The following KPNA5 variants were observed in gnomAD, a reference collection of about 807,000 sequenced individuals.
KPNA5 encodes the protein importin subunit alpha-6.
In KPNA5, 46 loss-of-function variants were observed where a neutral mutation model predicts 71.3. The ratio of observed to expected loss-of-function variants is 0.65; its 90% CI spans 0.51 to 0.83. The LOEUF (loss-of-function observed/expected upper bound fraction) is 0.83, where lower values mean the gene tolerates loss of function less well. Among genes scored for constraint, KPNA5 ranks in the 40% least tolerant of loss-of-function variants. KPNA5 has a pLI of 0.00. For missense variants in KPNA5, 547 were observed against 628.3 expected, an observed-to-expected ratio of 0.87 and a Z score of 1.38; for synonymous variants, 207 against 201.4, an observed-to-expected ratio of 1.03 and a Z score of -0.24.
chr6:116,704,728 C>T (rs1202869619), intron 6 of KPNA5, among the ~76,000 whole-genome samples: 1 of 151,906 alleles, frequency 6.6e-6, no homozygotes, highest in Non-Finnish European at 1.5e-5. Context: ...GTGCGTGCCA[C>T]CACACCCAGC....
intron 2 of KPNA5, 94 bp downstream of exon 2, chr6:116,689,547 A>T: frequency 9.4e-7 from 1 of 1,067,762 alleles, no homozygotes; most frequent in Non-Finnish European, 1.3e-6. Flanking sequence ...TAAGAAATTG[A>T]ATATAGCTAA....
At chr6:116,714,734 G>T (rs1288791612) in intron 7 of KPNA5, among the ~76,000 whole-genome samples, 1 of 152,064 alleles carries the variant, frequency 6.6e-6, no homozygotes, top group Admixed American at 6.6e-5. Context: ...TGTTTTTGAG[G>T]ACCATTCTTT....
rs41290850 is a variant in KPNA5 at position 116,733,985 on chromosome 6, T to C, written c.*1662T>C. The C allele has an allele frequency of 6.6e-6, 1 of 151,910 alleles. No homozygotes were observed. The highest frequency in any genetic ancestry group is 1.5e-5 in the Non-Finnish European group (1 of 67,744). The allele number at this position is 151,910 out of a possible 1,614,324, so 9.4% of individuals were successfully genotyped here. A position where few individuals can be genotyped will look rare whatever the true frequency, so the allele number is the denominator to read the frequency against. On this transcript the variant is annotated 3_prime_UTR_variant, in exon 14 of 14. Coordinates refer to ENST00000368564, the MANE Select transcript of KPNA5 (RefSeq NM_001366306.2). ...ATACAGGTTTAAATGGTGTTCGTAA[T>C]GCTGAGTGCATCTGCCAGCCCTTTT...
chr6:116,731,479 T>G (rs1051236816), intron 13 of KPNA5, among the ~76,000 whole-genome samples: 2 of 152,184 alleles, frequency 1.3e-5, no homozygotes, highest in Non-Finnish European at 2.9e-5. Context: ...CGTTTATCTG[T>G]AATTAAATGA....
intron 4 of KPNA5, among the ~76,000 whole-genome samples, chr6:116,697,040 A>G (rs9489012): frequency 0.028 from 4,209 of 152,088 alleles, 196 homozygotes; most frequent in African/African-American, 0.097. Flanking sequence ...ACAAAACCCT[A>G]TATTTTCTTC....
intron 13 of KPNA5, among the ~76,000 whole-genome samples, chr6:116,731,414 G>A (rs546512315): frequency 6.6e-6 from 1 of 152,226 alleles, no homozygotes; most frequent in East Asian, 1.9e-4. Context: ...TTCTGTGATT[G>A]TGTATAGATA....
At chr6:116,712,736 A>G (rs1374482041) in intron 7 of KPNA5, among the ~76,000 whole-genome samples, 3 of 152,110 alleles carry the variant, frequency 2.0e-5, no homozygotes, top group Non-Finnish European at 4.4e-5. Context: ...AGGCACTGGG[A>G]TTATAGGTGT....
rs1397882834 is a variant in KPNA5 at position 116,736,370 on chromosome 6, G to A, written c.*4047G>A. On this transcript the variant is annotated 3_prime_UTR_variant, in exon 14 of 14. Transcript: ENST00000368564. ...TCTAGGACTGGGGAAAGTTGGAAAT[G>A]GGAGGTGACTGGGTACAAAGTTTCT... The A allele has an allele frequency of 6.6e-6, 1 of 151,896 alleles. No homozygotes were observed. The highest frequency in any genetic ancestry group is 1.5e-5 in the Non-Finnish European group (1 of 67,876). 9.4% of individuals were successfully genotyped at this position (151,896 alleles called of 1,614,324 possible).
At chr6:116,705,199 A>G (rs757135027) in intron 7 of KPNA5, 39 bp downstream of exon 7, 1 of 1,394,338 alleles carries the variant, frequency 7.2e-7, no homozygotes, top group South Asian at 1.2e-5. Context: ...ATCAAAAACT[A>G]TATACTCCAT....
intron 1 of KPNA5, among the ~76,000 whole-genome samples, chr6:116,686,872 T>TTGTTTC (rs1385630710): frequency 1.3e-5 from 2 of 152,010 alleles, no homozygotes; most frequent in African/African-American, 4.8e-5. Flanking sequence ...ATGGGCTATT[T>TTGTTTC]TGTTTCATTG....
intron 7 of KPNA5, 117 bp from the exon 8 acceptor site, chr6:116,716,102 C>T (rs1238377342): frequency 2.2e-5 from 15 of 683,282 alleles, no homozygotes; most frequent in Admixed American, 3.0e-5. Context: ...TTCTTTTTTC[C>T]TATTTTGCTA....
In KPNA5 at chr6:116,689,119, A is replaced by G. The variant is rs577450135; in HGVS notation, c.5-201A>G. Reference sequence around the variant, plus strand: ...TTTAGACCAAAATTATTTGTTTAAGATATTATTTCTAAAATATGTGGTCAT... The same window carrying G: ...TTTAGACCAAAATTATTTGTTTAAGGTATTATTTCTAAAATATGTGGTCAT... On this transcript the variant is annotated intron_variant, in intron 1 of 13. Coordinates refer to ENST00000368564, the MANE Select transcript of KPNA5 (RefSeq NM_001366306.2). Among the ~76,000 whole-genome samples, 4 of 152,312 alleles carry G rather than the reference A, an allele frequency of 2.6e-5. No individual in the cohort carries two copies. In the South Asian group the frequency reaches 6.2e-4, roughly 24 times the overall value.
chr6:116,722,137 C>T lies in KPNA5; in HGVS notation c.768C>T (p.Cys256=). ...TTCTTCCCTTACAGGTTTCACCTTG[C>T]TTAAATGTCCTGTCACGACTGTTGT... The part of the protein sequence containing the change: ...PPPNFSKVSP[C]LNVLSRLLFS... Residue 256 remains cysteine (C), a synonymous_variant, in exon 9 of 14, where the codon TGC becomes TGT. Transcript: ENST00000368564. 6.4e-7 allele frequency: 1 copy of T among 1,574,392 alleles called. No individual in the cohort carries two copies. Among genetic ancestry groups the T allele is most frequent in the African/African-American group, 1.3e-5 (1 of 74,302 alleles).
At chr6:116,713,287 C>T (rs139856902) in intron 7 of KPNA5, among the ~76,000 whole-genome samples, 4 of 152,222 alleles carry the variant, frequency 2.6e-5, no homozygotes, top group Non-Finnish European at 5.9e-5. Flanking sequence ...TCAGCTTTTG[C>T]TCATGTGGGA....
Position 116,732,074 on chromosome 6 carries a change from T to TTTTATATATATATATATATATATATA in KPNA5, c.1433-61_1433-60insTTATATATATATATATATATATATAT, listed in dbSNP as rs1463339776. 11 of 66,298 alleles carry TTTTATATATATATATATATATATATA rather than the reference T, an allele frequency of 1.7e-4. 3 individuals carry two copies. The highest frequency in any genetic ancestry group is 3.9e-4 in the African/African-American group (6 of 15,410). 4.1% of individuals were successfully genotyped at this position (66,298 alleles called of 1,614,324 possible). A position where few individuals can be genotyped will look rare whatever the true frequency, so the allele number is the denominator to read the frequency against. On this transcript the variant is annotated intron_variant, in intron 13 of 13. Coordinates refer to ENST00000368564, the MANE Select transcript of KPNA5 (RefSeq NM_001366306.2). ...TACTGAAATTGTAGTAACAGTTTGT[T>TTTTATATATATATATATATATATATA]TATATATATATATATATATATATAT...
chr6:116,695,908 T>A (rs2114392404), intron 4 of KPNA5, among the ~76,000 whole-genome samples: 1 of 152,314 alleles, frequency 6.6e-6, no homozygotes, highest in African/African-American at 2.4e-5. Flanking sequence ...AGTGTTTTTG[T>A]ACCATTTCCT....
At position 116,737,367 on chromosome 6, in the gene KPNA5, T is replaced by G. The variant is rs1779710868; in HGVS notation, c.*5044T>G. On this transcript the variant is annotated 3_prime_UTR_variant, in exon 14 of 14. Transcript: ENST00000368564. ...GAAGGCCTTGGGTAGTAGTCACATG[T>G]GGTCAATAGTACTTGGCTGAAGACT... 6.6e-6 allele frequency: 1 copy of G among 152,010 alleles called. No individual in the cohort carries two copies. The highest frequency in any genetic ancestry group is 2.1e-4 in the South Asian group (1 of 4,830). The allele number at this position is 152,010 out of a possible 1,614,324, so 9.4% of individuals were successfully genotyped here. A position where few individuals can be genotyped will look rare whatever the true frequency, so the allele number is the denominator to read the frequency against.
At chr6:116,714,392 A>G (rs1778810665) in intron 7 of KPNA5, among the ~76,000 whole-genome samples, 1 of 152,248 alleles carries the variant, frequency 6.6e-6, no homozygotes, top group Non-Finnish European at 1.5e-5. Context: ...CCAGGTTTTT[A>G]CAGATTGGCC....
chr6:116,740,690 T>C lies in KPNA5; in HGVS notation c.*8367T>C, dbSNP rs1336996561. ...TAAAAAATGATGAGTTCATGTCCTTTGTAGGGACATGGATGAAATTGGAAA... is the reference window on the plus strand; with the variant it reads ...TAAAAAATGATGAGTTCATGTCCTTCGTAGGGACATGGATGAAATTGGAAA... On this transcript the variant is annotated 3_prime_UTR_variant, in exon 14 of 14. Transcript: ENST00000368564. 2.6e-5 allele frequency: 4 copies of C among 152,118 alleles called. No homozygotes were observed. Among genetic ancestry groups the C allele is most frequent in the Non-Finnish European group, 5.9e-5 (4 of 68,020 alleles). 9.4% of individuals were successfully genotyped at this position (152,118 alleles called of 1,614,324 possible).
Sources: allele counts gnomAD v4.1 joint callset (sites outside exome capture counted in the v4.1 genomes callset), GRCh38; gene constraint gnomAD v4.1.1; transcripts MANE v1.5; gene names NCBI Gene and HGNC (gene_info 2026-07-23, HGNC 2026-07-21).